RNF112: variants seen among roughly 807,000 people sequenced by gnomAD.
The protein encoded by RNF112 is ring finger protein 112, also known as brain finger protein.
A neutral mutation model predicts 64.7 loss-of-function variants in RNF112; 34 were observed. That is an observed-to-expected ratio of 0.53 (90% CI 0.40 to 0.70). The LOEUF (loss-of-function observed/expected upper bound fraction) is 0.70. Ranked by LOEUF, RNF112 falls within the 30% of genes least tolerant of loss-of-function variation. The probability of loss-of-function intolerance (pLI) is 0.00; values close to 1 mark genes in which losing one functional copy is unlikely to be tolerated. For missense variants in RNF112, 734 were observed against 850.0 expected (o/e 0.86, Z 1.70); for synonymous variants, 345 against 344.5 (o/e 1.00, Z -0.02).
Position 19,415,467 on chromosome 17 carries a change from C to T in RNF112, c.1351-51C>T, listed in dbSNP as rs1913848570. On this transcript the variant is annotated intron_variant, in intron 12 of 13. Coordinates refer to ENST00000461366, the MANE Select transcript of RNF112 (RefSeq NM_007148.5). The surrounding 1 kb of genome is among the most constrained non-coding windows in gnomAD (Gnocchi z 7.8). ...AGTGGAGATGAGGAAACAAGCAGCGCCCCTGGCTGAGAAGGAAGGAAGGAG... is the reference window on the plus strand; with the variant it reads ...AGTGGAGATGAGGAAACAAGCAGCGTCCCTGGCTGAGAAGGAAGGAAGGAG... The T allele has an allele frequency of 1.3e-6, 2 of 1,577,292 alleles. No individual in the cohort carries two copies. Among genetic ancestry groups the T allele is most frequent in the Admixed American group, 3.7e-5 (2 of 54,370 alleles).
Position 19,416,339 on chromosome 17 carries a change from T to A in RNF112, c.*164T>A. On this transcript the variant is annotated 3_prime_UTR_variant, in exon 14 of 14. Coordinates refer to ENST00000461366, the MANE Select transcript of RNF112 (RefSeq NM_007148.5). ...GTGGCAGCTGAGCTGGGACTCAAGGTGGCTCTTGGAACCTGGGAGGCAGCA... is the reference window on the plus strand; with the variant it reads ...GTGGCAGCTGAGCTGGGACTCAAGGAGGCTCTTGGAACCTGGGAGGCAGCA... The A allele has an allele frequency of 1.5e-6, 1 of 657,166 alleles. No individual in the cohort carries two copies. The highest frequency in any genetic ancestry group is 2.2e-5 in the South Asian group (1 of 45,520). 40.7% of individuals were successfully genotyped at this position (657,166 alleles called of 1,614,324 possible).
rs552298326 is a variant in RNF112 at position 19,413,523 on chromosome 17, G to A, written c.721-54G>A. ...GGGACGGGGCAGGGTTGGGAAGAATGTGGGAGAACAAGGCAGGCCTGGCCC... is the reference window on the plus strand; with the variant it reads ...GGGACGGGGCAGGGTTGGGAAGAATATGGGAGAACAAGGCAGGCCTGGCCC... On this transcript the variant is annotated intron_variant, in intron 5 of 13. Coordinates refer to ENST00000461366, the MANE Select transcript of RNF112 (RefSeq NM_007148.5). The surrounding 1 kb of genome is among the most constrained non-coding windows in gnomAD (Gnocchi z 5.9). 100 of 1,585,490 alleles carry A rather than the reference G, an allele frequency of 6.3e-5. No individual in the cohort carries two copies. The Admixed American group carries it at 1.6e-3, about 25-fold the overall frequency.
chr17:19,412,451 G>T lies in RNF112; in HGVS notation c.96-47G>T, dbSNP rs775554661. ...ACCACAACCCTGGCCGGTACCCCCT[G>T]CCCCCAATAGACATCCTGCTTTTCA... On this transcript the variant is annotated intron_variant, in intron 2 of 13. Transcript: ENST00000461366. This position sits in a 1 kb window ranked among gnomAD's most constrained non-coding sequence, Gnocchi z 5.1. The T allele has an allele frequency of 2.5e-6, 4 of 1,584,554 alleles. No individual in the cohort carries two copies. The highest frequency in any genetic ancestry group is 3.4e-6 in the Non-Finnish European group (4 of 1,168,414).
chr17:19,413,984 A>G lies in RNF112; in HGVS notation c.826-111A>G. ...CGAGGCCCCCATACTGGCCTCTCCCATACTCTGAGGCCCACAGGCTGCCTG... is the reference window on the plus strand; with the variant it reads ...CGAGGCCCCCATACTGGCCTCTCCCGTACTCTGAGGCCCACAGGCTGCCTG... On this transcript the variant is annotated intron_variant, in intron 6 of 13. Coordinates refer to ENST00000461366, the MANE Select transcript of RNF112 (RefSeq NM_007148.5). The surrounding 1 kb of genome is among the most constrained non-coding windows in gnomAD (Gnocchi z 5.9). 2.2e-6 allele frequency: 2 copies of G among 901,654 alleles called. No individual in the cohort carries two copies. The highest frequency in any genetic ancestry group is 1.6e-5 in the African/African-American group (1 of 60,872). The allele number at this position is 901,654 out of a possible 1,614,324, so 55.9% of individuals were successfully genotyped here. A position where few individuals can be genotyped will look rare whatever the true frequency, so the allele number is the denominator to read the frequency against.
chr17:19,414,299 T>C, intron 7 of RNF112, 150 bp from the exon 8 acceptor site: 1 of 1,089,542 alleles, frequency 9.2e-7, no homozygotes, highest in East Asian at 2.4e-5. Context: ...GCAAGAGATG[T>C]GTGGTCTGGG....
At position 19,415,689 on chromosome 17, in the gene RNF112, C is replaced by T. The variant is rs1337917355; in HGVS notation, c.1426-16C>T. 1 of 1,601,516 alleles carries T rather than the reference C, an allele frequency of 6.2e-7. No homozygotes were observed. Among genetic ancestry groups the T allele is most frequent in the Non-Finnish European group, 8.5e-7 (1 of 1,172,870 alleles). The stretch of plus-strand genomic sequence containing the variant: ...ACTCCTGGTCAGGGCACCTTCTTTT[C>T]CCCTCCCTGTCACAGGACGTAGCCA... On this transcript the variant is annotated splice_polypyrimidine_tract_variant and intron_variant, in intron 13 of 13. Transcript: ENST00000461366. This position sits in a 1 kb window ranked among gnomAD's most constrained non-coding sequence, Gnocchi z 7.8.
Position 19,413,684 on chromosome 17 carries a change from G to A in RNF112, c.825+3G>A, listed in dbSNP as rs1219937185. ...CCACGATGCTGAGCTCCTACCAGGT[G>A]ATGGGGGGCGCTGATGTTGGCATCC... On this transcript the variant is annotated splice_donor_region_variant and intron_variant, in intron 6 of 13. Transcript: ENST00000461366. This position sits in a 1 kb window ranked among gnomAD's most constrained non-coding sequence, Gnocchi z 5.9. 3 of 1,598,878 alleles carry A rather than the reference G, an allele frequency of 1.9e-6. No individual in the cohort carries two copies. The highest frequency in any genetic ancestry group is 1.7e-5 in the Admixed American group (1 of 58,496).
chr17:19,415,817 T>G lies in RNF112; in HGVS notation c.1538T>G (p.Leu513Arg). Residue 513 changes from leucine (L) to arginine (R), a missense_variant, in exon 14 of 14, where the codon CTC becomes CGC. Coordinates refer to ENST00000461366, the MANE Select transcript of RNF112 (RefSeq NM_007148.5). This position sits in a 1 kb window ranked among gnomAD's most constrained non-coding sequence, Gnocchi z 7.8. ...CTGGCCCGCCATGGTGTGGCCTTAC[T>G]CTGCAAGGGGAGAGATCAGACCTTG... ...AILARHGVALLCKGRDQTLEA... is the reference protein window; with the variant it reads ...AILARHGVALRCKGRDQTLEA... 6.2e-7 allele frequency: 1 copy of G among 1,613,730 alleles called. No homozygotes were observed. The highest frequency in any genetic ancestry group is 8.5e-7 in the Non-Finnish European group (1 of 1,179,866).
rs1374571122 is a variant in RNF112 at position 19,415,627 on chromosome 17, G to A, written c.1425+35G>A. 4.4e-6 allele frequency: 7 copies of A among 1,607,564 alleles called. No homozygotes were observed. The highest frequency in any genetic ancestry group is 5.9e-6 in the Non-Finnish European group (7 of 1,176,738). ...GGGGCTGCACGGGAGGCAGGTGTGG[G>A]CCGGGCAGGGTCCAGATCAGGGAGA... On this transcript the variant is annotated intron_variant, in intron 13 of 13. Coordinates refer to ENST00000461366, the MANE Select transcript of RNF112 (RefSeq NM_007148.5). The surrounding 1 kb of genome is among the most constrained non-coding windows in gnomAD (Gnocchi z 7.8).
rs1486546036 is a variant in RNF112 at position 19,412,250 on chromosome 17, ACT to A, written c.96-242_96-241del. Among the ~76,000 whole-genome samples the A allele has an allele frequency of 2.0e-5, 3 of 151,792 alleles. No individual in the cohort carries two copies. Among genetic ancestry groups the A allele is most frequent in the African/African-American group, 7.3e-5 (3 of 41,302 alleles). ...TCCACTCAGATTTTCTCCCTCTCAG[ACT>A]CTCTCACCATTGCTCTGCTGCCCCC... On this transcript the variant is annotated intron_variant, in intron 2 of 13. Transcript: ENST00000461366. The surrounding 1 kb of genome is among the most constrained non-coding windows in gnomAD (Gnocchi z 5.1).
chr17:19,416,287 T>C lies in RNF112; in HGVS notation c.*112T>C. On this transcript the variant is annotated 3_prime_UTR_variant, in exon 14 of 14. Transcript: ENST00000461366. ...TCCAAGGCACCGCCATGTACTGCAC[T>C]GCCCTGGTCGAATGCTCGGTGTCTG... is the stretch of plus-strand genomic sequence containing the variant. 1.0e-6 allele frequency: 1 copy of C among 1,001,110 alleles called. No individual in the cohort carries two copies. Among genetic ancestry groups the C allele is most frequent in the Non-Finnish European group, 1.4e-6 (1 of 704,152 alleles). 62.0% of individuals were successfully genotyped at this position (1,001,110 alleles called of 1,614,324 possible). A position where few individuals can be genotyped will look rare whatever the true frequency, so the allele number is the denominator to read the frequency against.
Position 19,415,366 on chromosome 17 carries a change from C to G in RNF112, c.1350+27C>G. ...TATGAGCGCTGGGGGATCCAGCATT[C>G]TGGCAGGGAGACAGGGGAGGCAGGG... On this transcript the variant is annotated intron_variant, in intron 12 of 13. Coordinates refer to ENST00000461366, the MANE Select transcript of RNF112 (RefSeq NM_007148.5). The surrounding 1 kb of genome is among the most constrained non-coding windows in gnomAD (Gnocchi z 7.8). 6.3e-7 allele frequency: 1 copy of G among 1,579,646 alleles called. No individual in the cohort carries two copies. Among genetic ancestry groups the G allele is most frequent in the Non-Finnish European group, 8.6e-7 (1 of 1,162,750 alleles).
chr17:19,414,583 C>T lies in RNF112; in HGVS notation c.934-3C>T. 1 of 1,613,958 alleles carries T rather than the reference C, an allele frequency of 6.2e-7. No homozygotes were observed. The highest frequency in any genetic ancestry group is 8.5e-7 in the Non-Finnish European group (1 of 1,179,858). ...GCTGGTGTCAGGACCCCTTCTCTTT[C>T]AGCATCTGGACCTCTTAGTTCGTGA... On this transcript the variant is annotated splice_polypyrimidine_tract_variant and splice_region_variant and intron_variant, in intron 8 of 13. Transcript: ENST00000461366.
rs1913769627 is a variant in RNF112 at position 19,413,868 on chromosome 17, T to A, written c.825+187T>A. Among the ~76,000 whole-genome samples the A allele has an allele frequency of 6.6e-6, 1 of 152,172 alleles. No individual in the cohort carries two copies. Among genetic ancestry groups the A allele is most frequent in the African/African-American group, 2.4e-5 (1 of 41,434 alleles). On this transcript the variant is annotated intron_variant, in intron 6 of 13. Transcript: ENST00000461366. The surrounding 1 kb of genome is among the most constrained non-coding windows in gnomAD (Gnocchi z 5.9). ...ACGTGGGTTATTCCTAAAAGTGGGC[T>A]GATGGTCCCAGGGGCAGCTGAAGAC...
At chr17:19,411,781 C>T (rs1913669260) in intron 2 of RNF112, 111 bp downstream of exon 2, 8 of 1,171,192 alleles carry the variant, frequency 6.8e-6, no homozygotes, top group African/African-American at 3.1e-5. Flanking sequence ...GAGGGCTGTC[C>T]GCCTGAGGCT....
In RNF112 at chr17:19,412,821, A is replaced by C; in HGVS notation, c.381+38A>C. Reference sequence around the variant, plus strand: ...GGCCTAATCAGTCAGACCCAAGAGGAGGGGGTGGCTTTGGCCCTATTCTAG... The same window carrying C: ...GGCCTAATCAGTCAGACCCAAGAGGCGGGGGTGGCTTTGGCCCTATTCTAG... On this transcript the variant is annotated intron_variant, in intron 3 of 13. Coordinates refer to ENST00000461366, the MANE Select transcript of RNF112 (RefSeq NM_007148.5). The surrounding 1 kb of genome is among the most constrained non-coding windows in gnomAD (Gnocchi z 5.1). 1 of 1,595,942 alleles carries C rather than the reference A, an allele frequency of 6.3e-7. No individual in the cohort carries two copies. The highest frequency in any genetic ancestry group is 8.5e-7 in the Non-Finnish European group (1 of 1,174,914).
chr17:19,416,582 C>T lies in RNF112; in HGVS notation c.*407C>T. The T allele has an allele frequency of 5.5e-6, 1 of 182,716 alleles. No individual in the cohort carries two copies. Among genetic ancestry groups the T allele is most frequent in the South Asian group, 1.2e-4 (1 of 8,540 alleles). The allele number at this position is 182,716 out of a possible 1,614,324, so 11.3% of individuals were successfully genotyped here. A position where few individuals can be genotyped will look rare whatever the true frequency, so the allele number is the denominator to read the frequency against. ...TAGGTGGTCGAGAGACCTGTTCTTT[C>T]ACAGATGTGAGAAGCCCCAGGATGA... On this transcript the variant is annotated 3_prime_UTR_variant, in exon 14 of 14. Transcript: ENST00000461366.
In RNF112 at chr17:19,412,189, C is replaced by T. The variant is rs140255347; in HGVS notation, c.96-309C>T. On this transcript the variant is annotated intron_variant, in intron 2 of 13. Coordinates refer to ENST00000461366, the MANE Select transcript of RNF112 (RefSeq NM_007148.5). This position sits in a 1 kb window ranked among gnomAD's most constrained non-coding sequence, Gnocchi z 5.1. Reference sequence around the variant, plus strand: ...AGGCCCAGAGAGGGGAAGGAACTTGCTTGCATTTGCATGGCTGGGATGTGG... The same window carrying T: ...AGGCCCAGAGAGGGGAAGGAACTTGTTTGCATTTGCATGGCTGGGATGTGG... 2.6e-5 allele frequency among the ~76,000 whole-genome samples: 4 copies of T among 152,322 alleles called. No individual in the cohort carries two copies. In the East Asian group the frequency reaches 5.8e-4, roughly 22 times the overall value.
chr17:19,416,231 G>A lies in RNF112; in HGVS notation c.*56G>A. 1 of 1,441,856 alleles carries A rather than the reference G, an allele frequency of 6.9e-7. No individual in the cohort carries two copies. The allele number at this position is 1,441,856 out of a possible 1,614,324, so 89.3% of individuals were successfully genotyped here. Reference sequence around the variant, plus strand: ...GATGTCAGGTGGGGATGAAGAAGAGGGGCAGGTCGGGGGAGGGTGATGCCA... The same window carrying A: ...GATGTCAGGTGGGGATGAAGAAGAGAGGCAGGTCGGGGGAGGGTGATGCCA... On this transcript the variant is annotated 3_prime_UTR_variant, in exon 14 of 14. Coordinates refer to ENST00000461366, the MANE Select transcript of RNF112 (RefSeq NM_007148.5).
Sources: allele counts gnomAD v4.1 joint callset (sites outside exome capture counted in the v4.1 genomes callset), GRCh38; gene constraint gnomAD v4.1.1; non-coding constraint Gnocchi (gnomAD v3.1); transcripts MANE v1.5; gene names NCBI Gene and HGNC (gene_info 2026-07-23, HGNC 2026-07-21).